The following DLG2 variants were observed in gnomAD, a reference collection of about 807,000 sequenced individuals.
DLG2 encodes discs large MAGUK scaffold protein 2, also known as disks large homolog 2.
Under a neutral mutation model 132.5 loss-of-function variants are expected in DLG2, and 45 were observed. That is an observed-to-expected ratio of 0.34 (90% confidence interval 0.27 to 0.44). The LOEUF is 0.44. Ranked by LOEUF, DLG2 falls within the 20% of genes least tolerant of loss-of-function variation. The probability of loss-of-function intolerance (pLI) is 1.00; values close to 1 mark genes in which losing one functional copy is unlikely to be tolerated. For missense variants in DLG2, 1,045 were observed against 1,196.9 expected, an observed-to-expected ratio of 0.87 and a Z score of 1.87; for synonymous variants, 424 against 419.6, an observed-to-expected ratio of 1.01 and a Z score of -0.13.
At chr11:83,890,361 G>GT (rs2069408258) in intron 15 of DLG2, among the ~76,000 whole-genome samples, 1 of 152,062 alleles carries the variant, frequency 6.6e-6, no homozygotes, top group Non-Finnish European at 1.5e-5. Flanking sequence ...AGATCTGGAT[G>GT]TCAGAAATGT....
At chr11:85,195,229 AG>A (rs148919158) in intron 4 of DLG2, among the ~76,000 whole-genome samples, 23 of 152,316 alleles carry the variant, frequency 1.5e-4, no homozygotes, top group African/African-American at 5.3e-4. Flanking sequence ...GCGGAGGCAA[AG>A]GGGAAGAGGA....
At chr11:84,412,675 C>T (rs958914056) in intron 7 of DLG2, among the ~76,000 whole-genome samples, 15 of 152,288 alleles carry the variant, frequency 9.8e-5, no homozygotes, top group Admixed American at 5.9e-4. Context: ...GCCACCCTTC[C>T]TTACTGGCTG....
chr11:84,423,808 A>G (rs2098958182), intron 7 of DLG2, among the ~76,000 whole-genome samples: 1 of 152,170 alleles, frequency 6.6e-6, no homozygotes, highest in African/African-American at 2.4e-5. Flanking sequence ...TAGGTGTGAC[A>G]TGAAAACATA....
intron 3 of DLG2, among the ~76,000 whole-genome samples, chr11:85,356,735 C>A (rs1016473501): frequency 6.6e-6 from 1 of 152,008 alleles, no homozygotes; most frequent in Admixed American, 6.6e-5. Context: ...ATCATGTCTA[C>A]TTTGTTTACT....
chr11:84,621,123 A>G (rs1409614258), intron 6 of DLG2, among the ~76,000 whole-genome samples: 1 of 152,094 alleles, frequency 6.6e-6, no homozygotes, highest in East Asian at 1.9e-4. Context: ...GGGAAAAGGT[A>G]CCCTCAAAGG....
chr11:83,905,507 T>C (rs2074498219), intron 15 of DLG2, among the ~76,000 whole-genome samples: 1 of 152,204 alleles, frequency 6.6e-6, no homozygotes, highest in African/African-American at 2.4e-5. Flanking sequence ...ATATGGTATG[T>C]CTTCCATCTT....
At chr11:85,507,657 A>T (rs940933385) in intron 3 of DLG2, among the ~76,000 whole-genome samples, 8 of 151,988 alleles carry the variant, frequency 5.3e-5, no homozygotes, top group African/African-American at 1.9e-4. Flanking sequence ...CTTCATTTCA[A>T]CTTTGGTGAA....
intron 7 of DLG2, among the ~76,000 whole-genome samples, chr11:84,295,770 G>A (rs2098081798): frequency 6.6e-6 from 1 of 151,862 alleles, no homozygotes; most frequent in Admixed American, 6.6e-5. Context: ...AATTCACATT[G>A]GGGGGGTCAG....
At chr11:84,384,821 G>T (rs993345111) in intron 7 of DLG2, among the ~76,000 whole-genome samples, 1 of 151,996 alleles carries the variant, frequency 6.6e-6, no homozygotes, top group Admixed American at 6.6e-5. Context: ...AATGACTCCA[G>T]AAGCCACAAG....
At chr11:84,703,213 T>A (rs999493093) in intron 6 of DLG2, among the ~76,000 whole-genome samples, 2 of 151,616 alleles carry the variant, frequency 1.3e-5, no homozygotes, top group African/African-American at 4.8e-5. Flanking sequence ...GAGTCATCCT[T>A]CTTTCAAAAA....
intron 4 of DLG2, among the ~76,000 whole-genome samples, chr11:85,275,265 G>C (rs542196687): frequency 6.6e-6 from 1 of 151,706 alleles, no homozygotes; most frequent in South Asian, 2.1e-4. Context: ...AGACAACTCG[G>C]GTTTTTCTGC....
intron 18 of DLG2, among the ~76,000 whole-genome samples, chr11:83,650,020 G>A (rs2069626674): frequency 6.6e-6 from 1 of 152,164 alleles, no homozygotes; most frequent in Admixed American, 6.6e-5. Flanking sequence ...TTATCCTGAT[G>A]TTATAAAAGG....
At chr11:85,369,361 C>T (rs2084799111) in intron 3 of DLG2, among the ~76,000 whole-genome samples, 1 of 152,178 alleles carries the variant, frequency 6.6e-6, no homozygotes, top group Non-Finnish European at 1.5e-5. Context: ...AAGCTTTTCT[C>T]CTGGTGGAGG....
intron 2 of DLG2, among the ~76,000 whole-genome samples, chr11:85,617,702 CTTGT>C (rs1464710915): frequency 2.0e-5 from 3 of 152,150 alleles, no homozygotes; most frequent in African/African-American, 7.2e-5. Flanking sequence ...AGAATTTTAG[CTTGT>C]TTATTACCTA....
intron 3 of DLG2, among the ~76,000 whole-genome samples, chr11:85,494,529 G>A (rs1267060552): frequency 1.3e-5 from 2 of 151,794 alleles, no homozygotes; most frequent in African/African-American, 4.9e-5. Flanking sequence ...GTTAAAATTT[G>A]GAGTGGCTTT....
intron 3 of DLG2, among the ~76,000 whole-genome samples, chr11:85,483,522 G>A (rs369167434): frequency 2.6e-5 from 4 of 152,068 alleles, no homozygotes; most frequent in East Asian, 1.9e-4. Context: ...AATAAGTAAC[G>A]CAAAAACAAC....
chr11:85,073,741 C>T (rs928281999), intron 6 of DLG2, among the ~76,000 whole-genome samples: 1 of 151,810 alleles, frequency 6.6e-6, no homozygotes, highest in African/African-American at 2.4e-5. Context: ...CCAGCAATCC[C>T]ACTATTGGGC....
intron 17 of DLG2, among the ~76,000 whole-genome samples, chr11:83,804,883 ATG>A (rs2045513936): frequency 6.6e-6 from 1 of 152,052 alleles, no homozygotes; most frequent in African/African-American, 2.4e-5. Context: ...GGTTGTTACT[ATG>A]TCTTTAGTCA....
chr11:83,726,622 A>G (rs1050895309), intron 18 of DLG2, among the ~76,000 whole-genome samples: 1 of 152,142 alleles, frequency 6.6e-6, no homozygotes, highest in Admixed American at 6.6e-5. Flanking sequence ...ACAAGTGTAG[A>G]CCTGTAGACC....
Sources: gnomAD v4.1 joint callset for allele counts (sites outside exome capture counted in the v4.1 genomes callset) on GRCh38, gnomAD v4.1.1 for gene constraint, MANE v1.5 for transcripts, NCBI Gene and HGNC (gene_info 2026-07-23, HGNC 2026-07-21) for gene names.